The following FERMT1 variants were observed in gnomAD, a reference collection of about 807,000 sequenced individuals.
The protein encoded by FERMT1 is fermitin family homolog 1.
FERMT1 carries 60 observed loss-of-function variants against 85.3 expected under a neutral mutation model. The observed-to-expected ratio is 0.70, with a 90% CI of 0.57 to 0.87. The LOEUF is 0.87. Among genes scored for constraint, FERMT1 ranks in the 40% least tolerant of loss-of-function variants. The pLI, the probability that FERMT1 is intolerant of heterozygous loss-of-function variation, is 0.00. For synonymous variants in FERMT1, 275 were observed against 301.1 expected (o/e 0.91, Z 0.90); for missense variants, 701 against 818.9 (o/e 0.86, Z 1.76).
intron 9 of FERMT1, among the ~76,000 whole-genome samples, chr20:6,092,003 C>T (rs1206457968): frequency 6.7e-6 from 1 of 149,720 alleles, no homozygotes; most frequent in African/African-American, 2.5e-5. Flanking sequence ...TGCAGTGGTG[C>T]AATCTCGGCT....
At chr20:6,083,700 A>AC (rs1298614751) in intron 13 of FERMT1, among the ~76,000 whole-genome samples, 1 of 149,946 alleles carries the variant, frequency 6.7e-6, no homozygotes, top group Non-Finnish European at 1.5e-5. Flanking sequence ...TCTTAAAAAA[A>AC]AAAAACAAAA....
At chr20:6,081,433 G>A (rs1322406117) in intron 13 of FERMT1, among the ~76,000 whole-genome samples, 2 of 152,182 alleles carry the variant, frequency 1.3e-5, no homozygotes, top group Non-Finnish European at 2.9e-5. Context: ...AGTTGGCAAA[G>A]GGTAAGGGGT....
chr20:6,117,621 A>G (rs111490621), intron 2 of FERMT1, among the ~76,000 whole-genome samples: 22 of 152,242 alleles, frequency 1.4e-4, no homozygotes, highest in African/African-American at 5.3e-4. Flanking sequence ...TTTTGTAGAG[A>G]CGTGGTTTCA....
Position 6,076,164 on chromosome 20 carries a change from C to A in FERMT1, c.*1009G>T. ...ATAAGAGGGACGCTTCCCCATGACCCAGACCAGCCTAAAGCCCCTGTGGGG... is the reference window on the plus strand; with the variant it reads ...ATAAGAGGGACGCTTCCCCATGACCAAGACCAGCCTAAAGCCCCTGTGGGG... On this transcript the variant is annotated 3_prime_UTR_variant, in exon 15 of 15. Coordinates refer to ENST00000217289, the MANE Select transcript of FERMT1 (RefSeq NM_017671.5). 1 of 265,354 alleles carries A rather than the reference C, an allele frequency of 3.8e-6. No homozygotes were observed. The highest frequency in any genetic ancestry group is 7.5e-6 in the Non-Finnish European group (1 of 132,686). 16.4% of individuals were successfully genotyped at this position (265,354 alleles called of 1,614,324 possible).
At chr20:6,121,917 G>C (rs1255197514) in intron 1 of FERMT1, among the ~76,000 whole-genome samples, 1 of 152,230 alleles carries the variant, frequency 6.6e-6, no homozygotes, top group Non-Finnish European at 1.5e-5. Context: ...GGAGACAAAA[G>C]ATGCCCCTTC....
At chr20:6,077,519 T>A (rs1981862550) in intron 14 of FERMT1, among the ~76,000 whole-genome samples, 173 bp from the exon 15 acceptor site, 2 of 152,064 alleles carry the variant, frequency 1.3e-5, no homozygotes, top group African/African-American at 4.8e-5. Flanking sequence ...AGAAAACATC[T>A]TTGCTCTCTT....
chr20:6,119,203 C>T (rs1352150018), intron 2 of FERMT1, among the ~76,000 whole-genome samples: 1 of 152,198 alleles, frequency 6.6e-6, no homozygotes, highest in Admixed American at 6.5e-5. Flanking sequence ...ACACCTTGGC[C>T]TCCCCAAGTG....
At chr20:6,113,424 T>C (rs1244493716) in intron 3 of FERMT1, among the ~76,000 whole-genome samples, 1 of 152,146 alleles carries the variant, frequency 6.6e-6, no homozygotes, top group African/African-American at 2.4e-5. Flanking sequence ...ACAAAGGTCC[T>C]GCTTCCTTTT....
At chr20:6,100,805 AAAG>A (rs1193299341) in intron 6 of FERMT1, among the ~76,000 whole-genome samples, 1 of 152,188 alleles carries the variant, frequency 6.6e-6, no homozygotes, top group South Asian at 2.1e-4. Flanking sequence ...AAAATATCCT[AAAG>A]AAGGTTACAA....
chr20:6,120,978 C>T (rs1057023134), intron 1 of FERMT1, among the ~76,000 whole-genome samples: 4 of 152,130 alleles, frequency 2.6e-5, no homozygotes, highest in East Asian at 3.9e-4. Flanking sequence ...CATGTTCATT[C>T]GAAACGACTC....
rs1983025066 is a variant in FERMT1, at chr20:6,113,754, C to T, written c.386-1131G>A. ...TGTCTACACTGTCTCCCAGGGGTCA[C>T]CAGCTGCTGAAGTGTAACCTGATTG... On this transcript the variant is annotated intron_variant, in intron 3 of 14. Transcript: ENST00000217289. Among the ~76,000 whole-genome samples the T allele has an allele frequency of 2.6e-5, 4 of 151,990 alleles. No individual in the cohort carries two copies. In the South Asian group the frequency reaches 8.3e-4, roughly 32 times the overall value.
chr20:6,111,172 A>T (rs528649508), intron 4 of FERMT1, among the ~76,000 whole-genome samples: 12 of 152,324 alleles, frequency 7.9e-5, no homozygotes, highest in Non-Finnish European at 1.0e-4. Flanking sequence ...ACTATTAGAG[A>T]ACTGGAGACC....
At chr20:6,117,505 C>G (rs1489530547) in intron 2 of FERMT1, among the ~76,000 whole-genome samples, 1 of 151,376 alleles carries the variant, frequency 6.6e-6, no homozygotes, top group African/African-American at 2.4e-5. Context: ...GTAATCTCAG[C>G]TCACTGCAAC....
At chr20:6,098,943 ACTC>A (rs1982580187) in intron 6 of FERMT1, among the ~76,000 whole-genome samples, 1 of 152,120 alleles carries the variant, frequency 6.6e-6, no homozygotes, top group Non-Finnish European at 1.5e-5. Context: ...CATCAATCCT[ACTC>A]CTAGCTGTAC....
chr20:6,109,800 C>T (rs1352781096), intron 5 of FERMT1, among the ~76,000 whole-genome samples: 2 of 151,520 alleles, frequency 1.3e-5, no homozygotes, highest in Admixed American at 6.6e-5. Context: ...ACTCAGAAAG[C>T]TGAGGCAGGA....
At position 6,085,178 on chromosome 20, in the gene FERMT1, C is replaced by G; in HGVS notation, c.1481G>C (p.Arg494Thr). 6.2e-7 allele frequency: 1 copy of G among 1,614,158 alleles called. No homozygotes were observed. The highest frequency in any genetic ancestry group is 8.5e-7 in the Non-Finnish European group (1 of 1,180,032). Residue 494 changes from arginine to threonine, a missense_variant, in exon 12 of 15, where the codon AGG (arginine) becomes ACG (threonine). Coordinates refer to ENST00000217289, the MANE Select transcript of FERMT1 (RefSeq NM_017671.5). ...AGATGCAGAGTTCCTGTTTTTCATC[C>G]TCAGAAATGAAAGGATGTTGAGGAC... ...PEVLNILSFL[R>T]MKNRNSASQV...
intron 9 of FERMT1, among the ~76,000 whole-genome samples, chr20:6,092,542 C>CA (rs111243077): frequency 0.1 from 14,794 of 144,738 alleles, 883 homozygotes; most frequent in Middle Eastern, 0.19. Flanking sequence ...GACTTTGTCT[C>CA]AAAAAAAAAA....
At chr20:6,118,742 A>C (rs1356637073) in intron 2 of FERMT1, among the ~76,000 whole-genome samples, 4 of 152,204 alleles carry the variant, frequency 2.6e-5, no homozygotes, top group African/African-American at 9.7e-5. Flanking sequence ...AACAGGGAGC[A>C]TAGTAAACGG....
Position 6,087,776 on chromosome 20 carries a change from C to T in FERMT1, c.1371+1G>A, listed in dbSNP as rs1305130863. 6.5e-7 allele frequency: 1 copy of T among 1,547,642 alleles called. No homozygotes were observed. The highest frequency in any genetic ancestry group is 1.4e-5 in the African/African-American group (1 of 73,542). ...CTTAATATTTTTGGGGTTTTACTCA[C>T]ATGGTCACATCTCAAATACATTTCA... On this transcript the variant is annotated splice_donor_variant, in intron 11 of 14. Transcript: ENST00000217289. LOFTEE classifies it high-confidence loss of function.
Sources: gnomAD v4.1 joint callset for allele counts (sites outside exome capture counted in the v4.1 genomes callset) on GRCh38, gnomAD v4.1.1 for gene constraint, MANE v1.5 for transcripts, NCBI Gene and HGNC (gene_info 2026-07-23, HGNC 2026-07-21) for gene names.